The following CERS6 variants were observed in gnomAD, a reference collection of about 807,000 sequenced individuals.
The protein encoded by CERS6 is ceramide synthase 6.
CERS6 carries 26 observed loss-of-function variants against 56.8 expected under a neutral mutation model. That is an observed-to-expected ratio of 0.46 (90% confidence interval 0.34 to 0.63). The LOEUF (loss-of-function observed/expected upper bound fraction) is 0.63, where lower values mean the gene tolerates loss of function less well. Ranked by LOEUF, CERS6 falls within the 30% of genes least tolerant of loss-of-function variation. The pLI is 0.01. For synonymous variants in CERS6, 164 were observed against 173.3 expected (o/e 0.95, Z 0.42); for missense variants, 415 against 467.5 (o/e 0.89, Z 1.04).
intron 2 of CERS6, among the ~76,000 whole-genome samples, chr2:168,549,067 C>G (rs1175395195): frequency 6.6e-6 from 1 of 151,946 alleles, no homozygotes; most frequent in African/African-American, 2.4e-5. Context: ...TGTGTAGGGA[C>G]TTCTCAGGTT....
intron 1 of CERS6, among the ~76,000 whole-genome samples, chr2:168,470,474 T>A (rs796158325): frequency 1.4e-4 from 22 of 152,072 alleles, no homozygotes; most frequent in African/African-American, 4.6e-4. Flanking sequence ...TTTAAAAAGG[T>A]GATTAAAAGG....
chr2:168,720,932 A>C (rs1687348702), intron 8 of CERS6, among the ~76,000 whole-genome samples: 1 of 152,212 alleles, frequency 6.6e-6, no homozygotes, highest in Admixed American at 6.5e-5. Context: ...AAATACAGTC[A>C]TGTACCATAT....
intron 4 of CERS6, among the ~76,000 whole-genome samples, chr2:168,649,031 G>A (rs758147115): frequency 1.9e-4 from 29 of 152,174 alleles, no homozygotes; most frequent in Admixed American, 3.9e-4. Context: ...GAGTTTAGGC[G>A]CTGAATATCC....
intron 1 of CERS6, among the ~76,000 whole-genome samples, chr2:168,478,354 C>T (rs1045660913): frequency 6.6e-5 from 10 of 152,158 alleles, no homozygotes; most frequent in African/African-American, 1.9e-4. Flanking sequence ...CTGGGGAGAG[C>T]AGTCACCTGG....
intron 3 of CERS6, among the ~76,000 whole-genome samples, chr2:168,607,881 A>G (rs958779521): frequency 6.6e-6 from 1 of 152,222 alleles, no homozygotes; most frequent in Non-Finnish European, 1.5e-5. Context: ...ACGGAATGGA[A>G]CATTACCTCA....
chr2:168,676,582 T>C (rs925573935), intron 4 of CERS6, among the ~76,000 whole-genome samples: 1 of 152,202 alleles, frequency 6.6e-6, no homozygotes, highest in East Asian at 1.9e-4. Flanking sequence ...GTCATTTGAT[T>C]TTCTTGAAGT....
At chr2:168,519,419 T>C (rs1694939572) in intron 1 of CERS6, among the ~76,000 whole-genome samples, 1 of 152,186 alleles carries the variant, frequency 6.6e-6, no homozygotes, top group Non-Finnish European at 1.5e-5. Context: ...ACAGTTTTGT[T>C]GCATGGGTCT....
At chr2:168,512,118 A>G (rs1372266173) in intron 1 of CERS6, among the ~76,000 whole-genome samples, 1 of 152,210 alleles carries the variant, frequency 6.6e-6, no homozygotes, top group African/African-American at 2.4e-5. Context: ...CATATAAGGT[A>G]CCTAGAATAG....
chr2:168,463,820 G>C (rs1257201751), intron 1 of CERS6, among the ~76,000 whole-genome samples: 1 of 152,072 alleles, frequency 6.6e-6, no homozygotes, highest in Non-Finnish European at 1.5e-5. Flanking sequence ...GAGGTGGGAG[G>C]ATCACTCGAG....
At chr2:168,466,880 A>G (rs767783683) in intron 1 of CERS6, among the ~76,000 whole-genome samples, 1 of 152,192 alleles carries the variant, frequency 6.6e-6, no homozygotes, top group Non-Finnish European at 1.5e-5. Flanking sequence ...TTCACTAGGT[A>G]ACCTTTTGCA....
chr2:168,697,800 CATCCAGAGTCAA>C (rs1254608039), intron 6 of CERS6, among the ~76,000 whole-genome samples: 1 of 152,138 alleles, frequency 6.6e-6, no homozygotes, highest in Non-Finnish European at 1.5e-5. Context: ...CTAGAGGTGC[CATCCAGAGTCAA>C]AAGCAGGAAT....
rs140213163 is a variant in CERS6 at position 168,507,343 on chromosome 2, C to A, written c.171-40253C>A. On this transcript the variant is annotated intron_variant, in intron 1 of 9. Coordinates refer to ENST00000305747, the MANE Select transcript of CERS6 (RefSeq NM_203463.3). ...CATGTAATTTTCATGTCTCTTCGAA[C>A]TTCTGCATTCTGGAAAAGTTCCTTA... Among the ~76,000 whole-genome samples, 510 of 152,256 alleles carry A rather than the reference C, an allele frequency of 3.3e-3. 2 individuals carry two copies. The highest frequency in any genetic ancestry group is 0.012 in the African/African-American group (484 of 41,554).
intron 8 of CERS6, among the ~76,000 whole-genome samples, chr2:168,721,084 A>G (rs1414103802): frequency 6.6e-6 from 1 of 152,088 alleles, no homozygotes; most frequent in Non-Finnish European, 1.5e-5. Context: ...GCTGTAGACA[A>G]ACCTATTGCG....
chr2:168,664,045 G>A (rs1685697191), intron 4 of CERS6, among the ~76,000 whole-genome samples: 1 of 152,180 alleles, frequency 6.6e-6, no homozygotes, highest in Admixed American at 6.5e-5. Flanking sequence ...CCAGATAAGT[G>A]GGATGGCCAT....
At chr2:168,702,166 G>A (rs1257782367) in intron 6 of CERS6, among the ~76,000 whole-genome samples, 1 of 152,070 alleles carries the variant, frequency 6.6e-6, no homozygotes, top group Non-Finnish European at 1.5e-5. Flanking sequence ...GGATAATGGG[G>A]GGCCAACAGT....
chr2:168,485,683 C>T (rs1694263616), intron 1 of CERS6, among the ~76,000 whole-genome samples: 1 of 152,094 alleles, frequency 6.6e-6, no homozygotes, highest in Non-Finnish European at 1.5e-5. Context: ...ATTGATAATT[C>T]ATTTTGTATG....
rs1169944510 is a variant in CERS6 at position 168,717,852 on chromosome 2, C to CACAT, written c.739-19_739-16dup. ...TATCAGTTTAACTACATTAATATAT[C>CACAT]ACATTCCTTTCTTTCATAGGCTGCC... On this transcript the variant is annotated intron_variant, in intron 7 of 9. Transcript: ENST00000305747. 6.4e-7 allele frequency: 1 copy of CACAT among 1,566,222 alleles called. No individual in the cohort carries two copies. Among genetic ancestry groups the CACAT allele is most frequent in the African/African-American group, 1.4e-5 (1 of 73,824 alleles).
chr2:168,505,114 C>A (rs765552772), intron 1 of CERS6, among the ~76,000 whole-genome samples: 1 of 151,898 alleles, frequency 6.6e-6, no homozygotes, highest in Admixed American at 6.6e-5. Context: ...TGGTGGCTCA[C>A]GCCTGTAATA....
intron 4 of CERS6, among the ~76,000 whole-genome samples, chr2:168,644,694 G>A (rs1685130622): frequency 6.6e-6 from 1 of 152,218 alleles, no homozygotes; most frequent in East Asian, 1.9e-4. Flanking sequence ...GTTTCAGGCA[G>A]GTAAACCATT....
Sources: allele counts gnomAD v4.1 joint callset (sites outside exome capture counted in the v4.1 genomes callset), GRCh38; gene constraint gnomAD v4.1.1; transcripts MANE v1.5; gene names NCBI Gene and HGNC (gene_info 2026-07-23, HGNC 2026-07-21).